The following EZH1 variants were observed in gnomAD, a reference collection of about 807,000 sequenced individuals.
EZH1 encodes enhancer of zeste 1 polycomb repressive complex 2 subunit.
Under a neutral mutation model 100.5 loss-of-function variants are expected in EZH1, and 33 were observed. The ratio of observed to expected loss-of-function variants is 0.33; its 90% confidence interval spans 0.25 to 0.44. The LOEUF is 0.44. EZH1 is among the 20% of genes least tolerant of loss of function. The pLI is 1.00. For synonymous variants in EZH1, 272 were observed against 313.8 expected, an observed-to-expected ratio of 0.87 and a Z score of 1.41; for missense variants, 475 against 928.4, an observed-to-expected ratio of 0.51 and a Z score of 6.35.
At chr17:42,742,578 C>G (rs1469559026) in intron 1 of EZH1, among the ~76,000 whole-genome samples, 1 of 152,184 alleles carries the variant, frequency 6.6e-6, no homozygotes, top group African/African-American at 2.4e-5. Context: ...ACTGACAATA[C>G]TAGCATCCGG....
intron 1 of EZH1, among the ~76,000 whole-genome samples, chr17:42,738,783 G>A (rs1447898293): frequency 2.7e-5 from 3 of 111,990 alleles, no homozygotes; most frequent in Non-Finnish European, 5.3e-5. Flanking sequence ...TTTTTGAGAA[G>A]GAGTCTCACT....
At chr17:42,713,087 A>C in intron 11 of EZH1, 122 bp downstream of exon 11, 1 of 881,254 alleles carries the variant, frequency 1.1e-6, no homozygotes, top group Non-Finnish European at 1.7e-6. Flanking sequence ...TACTGTTTAC[A>C]AAACTTGTAG....
At chr17:42,743,967 A>T (rs773109151) in intron 1 of EZH1, among the ~76,000 whole-genome samples, 20 of 152,084 alleles carry the variant, frequency 1.3e-4, no homozygotes, top group Non-Finnish European at 2.9e-4. Flanking sequence ...TTTTTTATTC[A>T]GCGGCAGTAT....
chr17:42,705,045 G>T, intron 17 of EZH1, 43 bp downstream of exon 17: 1 of 1,481,442 alleles, frequency 6.8e-7, no homozygotes, highest in Non-Finnish European at 9.4e-7. Context: ...TTTCTCATCA[G>T]TCTCCCCCGA....
intron 1 of EZH1, among the ~76,000 whole-genome samples, chr17:42,737,631 TTC>T (rs2054091734): frequency 6.6e-6 from 1 of 151,996 alleles, no homozygotes; most frequent in Non-Finnish European, 1.5e-5. Flanking sequence ...AAACAAACTA[TTC>T]TTTCTTTTTT....
At chr17:42,703,104 C>G in intron 19 of EZH1, 143 bp from the exon 20 acceptor site, 1 of 722,328 alleles carries the variant, frequency 1.4e-6, no homozygotes, top group Non-Finnish European at 2.4e-6. Flanking sequence ...GTAGTTGCCT[C>G]TATGCTTTTA....
Position 42,728,816 on chromosome 17 carries a change from A to AT in EZH1, c.117+8dup, listed in dbSNP as rs771822515. 8 of 1,610,566 alleles carry AT rather than the reference A, an allele frequency of 5.0e-6. No individual in the cohort carries two copies. The highest frequency in any genetic ancestry group is 6.8e-6 in the Non-Finnish European group (8 of 1,178,858). On this transcript the variant is annotated intron_variant, in intron 3 of 20. Coordinates refer to ENST00000428826, the MANE Select transcript of EZH1 (RefSeq NM_001991.5). ...ATATATAAACTTTCACTTGGGAATTATTTTTTACCTTTGCACCCATATTTG... is the reference window on the plus strand; with the variant it reads ...ATATATAAACTTTCACTTGGGAATTATTTTTTTACCTTTGCACCCATATTTG...
At chr17:42,720,055 T>G (rs781465307) in intron 7 of EZH1, among the ~76,000 whole-genome samples, 21 of 152,208 alleles carry the variant, frequency 1.4e-4, no homozygotes, top group Non-Finnish European at 2.6e-4. Context: ...GACATATAAT[T>G]AGAAATGAAT....
chr17:42,735,063 G>A (rs1024679888), intron 1 of EZH1, among the ~76,000 whole-genome samples: 1 of 151,896 alleles, frequency 6.6e-6, no homozygotes, highest in Non-Finnish European at 1.5e-5. Flanking sequence ...GAAGGAAACA[G>A]AAAGGCAGGG....
intron 2 of EZH1, among the ~76,000 whole-genome samples, chr17:42,729,574 CAAAAAAAAAA>C (rs71157667): frequency 7.2e-6 from 1 of 137,992 alleles, no homozygotes; most frequent in African/African-American, 2.6e-5. Context: ...ACTAAAAATA[CAAAAAAAAAA>C]AAAAATTAGT....
chr17:42,741,220 A>C (rs1281174520), intron 1 of EZH1, among the ~76,000 whole-genome samples: 1 of 152,232 alleles, frequency 6.6e-6, no homozygotes, highest in Non-Finnish European at 1.5e-5. Flanking sequence ...AATAGTGAAC[A>C]AAGTGGAAAC....
intron 17 of EZH1, 101 bp downstream of exon 17, chr17:42,704,987 G>T: frequency 1.9e-6 from 2 of 1,032,528 alleles, no homozygotes; most frequent in Non-Finnish European, 1.5e-6. Flanking sequence ...ACACAGCTGA[G>T]TTATTTAGAG....
At chr17:42,737,025 G>T (rs936653846) in intron 1 of EZH1, among the ~76,000 whole-genome samples, 1 of 146,166 alleles carries the variant, frequency 6.8e-6, no homozygotes, top group Non-Finnish European at 1.5e-5. Flanking sequence ...TCGCTCTGTC[G>T]CCCAGGCTGG....
chr17:42,721,872 C>A (rs142396403), intron 6 of EZH1, among the ~76,000 whole-genome samples: 1 of 151,864 alleles, frequency 6.6e-6, no homozygotes, highest in Non-Finnish European at 1.5e-5. Flanking sequence ...TAAGCCAGGG[C>A]CGGGCACGGT....
At position 42,739,093 on chromosome 17, in the gene EZH1, T is replaced by C. The variant is rs1001640090; in HGVS notation, c.-103+5918A>G. 5.9e-5 allele frequency among the ~76,000 whole-genome samples: 9 copies of C among 152,132 alleles called. 1 individual carries two copies. On this transcript the variant is annotated intron_variant, in intron 1 of 20. Transcript: ENST00000428826. ...TTTTAAATATTTCATCCTATTCCTT[T>C]TTTGATTCATAGTGTAATTGAAACC...
At position 42,720,379 on chromosome 17, in the gene EZH1, G is replaced by A. The variant is rs140802147; in HGVS notation, c.558C>T (p.Tyr186=). 1.2e-5 allele frequency: 19 copies of A among 1,613,992 alleles called. No homozygotes were observed. The highest frequency in any genetic ancestry group is 3.3e-4 in the Middle Eastern group (2 of 6,084). Residue 186 remains tyrosine, a synonymous_variant, in exon 7 of 21, where the codon TAC becomes TAT. Transcript: ENST00000428826. ...FLELVDALNQ[Y]SDEEEEGHND... ...TGTGCCCTTCCTCCTCCTCATCTGA[G>A]TACTGATTCAGGGCATCGACCAACT...
intron 10 of EZH1, among the ~76,000 whole-genome samples, chr17:42,713,881 T>C (rs1273808746): frequency 6.6e-6 from 1 of 152,214 alleles, no homozygotes; most frequent in Non-Finnish European, 1.5e-5. Context: ...CATTCTCCTA[T>C]GGATGAAGAA....
intron 4 of EZH1, among the ~76,000 whole-genome samples, chr17:42,725,315 G>C (rs2053797577): frequency 6.6e-6 from 1 of 151,272 alleles, no homozygotes; most frequent in African/African-American, 2.4e-5. Flanking sequence ...TGTTGCCCAG[G>C]CTGAGTGCAG....
At chr17:42,733,098 A>C (rs2053986249) in intron 1 of EZH1, among the ~76,000 whole-genome samples, 1 of 151,590 alleles carries the variant, frequency 6.6e-6, no homozygotes, top group South Asian at 2.1e-4. Context: ...AGCACTCTGA[A>C]AGGCCGAGGC....
Sources: allele counts gnomAD v4.1 joint callset (sites outside exome capture counted in the v4.1 genomes callset), GRCh38; gene constraint gnomAD v4.1.1; transcripts MANE v1.5; gene names NCBI Gene and HGNC (gene_info 2026-07-23, HGNC 2026-07-21).